Variants in MECOM observed in about 807,000 individuals in gnomAD.
MECOM encodes histone-lysine N-methyltransferase MECOM.
A neutral mutation model predicts 116.3 loss-of-function variants in MECOM; 13 were observed. That is an observed-to-expected ratio of 0.11 (90% CI 0.07 to 0.18). The LOEUF (loss-of-function observed/expected upper bound fraction) is 0.18, where lower values mean the gene tolerates loss of function less well. MECOM is among the 10% of genes least tolerant of loss of function. The probability of loss-of-function intolerance (pLI) is 1.00; values close to 1 mark genes in which losing one functional copy is unlikely to be tolerated. For missense variants in MECOM, 1,299 were observed against 1,509.0 expected, an observed-to-expected ratio of 0.86 and a Z score of 2.31; for synonymous variants, 528 against 535.2, an observed-to-expected ratio of 0.99 and a Z score of 0.19.
At chr3:169,394,200 C>T (rs182880293) in intron 1 of MECOM, among the ~76,000 whole-genome samples, 314 of 152,198 alleles carry the variant, frequency 2.1e-3, no homozygotes, top group African/African-American at 6.9e-3. Flanking sequence ...ACATATGCCA[C>T]AAAACATTAA....
intron 1 of MECOM, among the ~76,000 whole-genome samples, chr3:169,560,737 G>A (rs968408878): frequency 2.0e-5 from 3 of 151,990 alleles, no homozygotes. Flanking sequence ...ATTGATAAAA[G>A]CAGGATATAG....
intron 1 of MECOM, among the ~76,000 whole-genome samples, chr3:169,420,809 T>C (rs578065391): frequency 2.0e-5 from 3 of 152,296 alleles, no homozygotes; most frequent in East Asian, 1.9e-4. Context: ...TAAAGTGTTA[T>C]TGAAGATGCT....
chr3:169,143,649 T>C, intron 3 of MECOM, 49 bp downstream of exon 3: 1 of 1,477,658 alleles, frequency 6.8e-7, no homozygotes, highest in Non-Finnish European at 9.0e-7. Context: ...CAGGCTCCAG[T>C]GATACTTTTG....
chr3:169,316,470 T>C (rs1451117733), intron 2 of MECOM, among the ~76,000 whole-genome samples: 2 of 152,214 alleles, frequency 1.3e-5, no homozygotes, highest in African/African-American at 4.8e-5. Flanking sequence ...TATGGCTATG[T>C]AAAATGAGAT....
At chr3:169,596,518 C>T (rs536404357) in intron 1 of MECOM, among the ~76,000 whole-genome samples, 1 of 152,258 alleles carries the variant, frequency 6.6e-6, no homozygotes, top group South Asian at 2.1e-4. Context: ...CCTCAAAATG[C>T]ATATGAAGGA....
chr3:169,648,991 A>T (rs1417733007), intron 1 of MECOM, among the ~76,000 whole-genome samples: 1 of 152,224 alleles, frequency 6.6e-6, no homozygotes. Context: ...CTAACTGCAC[A>T]AAGGATAAAA....
intron 2 of MECOM, chr3:169,145,687 G>A (rs1739678615): frequency 4.5e-6 from 1 of 223,696 alleles, no homozygotes; most frequent in Non-Finnish European, 8.9e-6. Context: ...TCAAAGTCAA[G>A]AAGCATCCAT....
At chr3:169,654,815 C>CACACACAA (rs770928351) in intron 1 of MECOM, among the ~76,000 whole-genome samples, 23 of 85,532 alleles carry the variant, frequency 2.7e-4, no homozygotes, top group African/African-American at 8.1e-4. Flanking sequence ...CCTATCAAAA[C>CACACACAA]ACACACACAC....
intron 1 of MECOM, among the ~76,000 whole-genome samples, chr3:169,587,017 A>G (rs1159544455): frequency 1.3e-5 from 2 of 152,166 alleles, no homozygotes; most frequent in Admixed American, 6.5e-5. Context: ...AACTCATTTA[A>G]CTTTCATAAT....
chr3:169,427,179 T>A (rs1326763548), intron 1 of MECOM, among the ~76,000 whole-genome samples: 1 of 144,364 alleles, frequency 6.9e-6, no homozygotes, highest in East Asian at 2.1e-4. Context: ...TTTTAGTATT[T>A]CCAATTCATT....
intron 1 of MECOM, among the ~76,000 whole-genome samples, chr3:169,494,517 G>A (rs1753580653): frequency 6.6e-6 from 1 of 152,208 alleles, no homozygotes; most frequent in African/African-American, 2.4e-5. Context: ...TTCTCAAGGT[G>A]TAAGCATTGA....
At chr3:169,662,308 G>C (rs557653521) in intron 1 of MECOM, among the ~76,000 whole-genome samples, 1 of 152,168 alleles carries the variant, frequency 6.6e-6, no homozygotes, top group Non-Finnish European at 1.5e-5. Context: ...CGGAGGCTGC[G>C]CTGCGCCCTC....
chr3:169,408,185 C>A (rs564711792), intron 1 of MECOM, among the ~76,000 whole-genome samples: 2 of 151,988 alleles, frequency 1.3e-5, no homozygotes, highest in East Asian at 3.9e-4. Context: ...GGAAAACTTC[C>A]GAGAACAGTA....
intron 2 of MECOM, among the ~76,000 whole-genome samples, chr3:169,236,423 C>A (rs1754076272): frequency 6.6e-6 from 1 of 152,040 alleles, no homozygotes; most frequent in Admixed American, 6.6e-5. Flanking sequence ...ATTTGCTAAA[C>A]ATGAGTAAAT....
intron 2 of MECOM, among the ~76,000 whole-genome samples, chr3:169,309,003 G>A (rs1560113897): frequency 6.6e-6 from 1 of 152,220 alleles, no homozygotes; most frequent in East Asian, 1.9e-4. Flanking sequence ...CTGATCACAG[G>A]GTACAGGTGA....
intron 2 of MECOM, among the ~76,000 whole-genome samples, chr3:169,221,495 C>T (rs189256522): frequency 1.3e-5 from 2 of 151,342 alleles, no homozygotes; most frequent in African/African-American, 4.9e-5. Context: ...GCCCAGTTAC[C>T]TTTAGCCCCC....
chr3:169,479,652 T>TAAA (rs3042768), intron 1 of MECOM, among the ~76,000 whole-genome samples: 78 of 126,676 alleles, frequency 6.2e-4, no homozygotes, highest in Non-Finnish European at 7.7e-4. Context: ...TTCTCTTACC[T>TAAA]AAAAAAAAAA....
chr3:169,594,170 A>AAAAAAAAAAAAAAAAACC lies in MECOM; in HGVS notation c.37+69165_37+69166insGGTTTTTTTTTTTTTTTT, dbSNP rs1553894632. On this transcript the variant is annotated intron_variant, in intron 1 of 16. Transcript: ENST00000651503. ...CCACCACCACAAAAAAAAAAAAAAA[A>AAAAAAAAAAAAAAAAACC]AAAAAACACCTTTTCACCTAAGTAC... Among the ~76,000 whole-genome samples, 16 of 119,408 alleles carry AAAAAAAAAAAAAAAAACC rather than the reference A, an allele frequency of 1.3e-4. 1 individual carries two copies. Among genetic ancestry groups the AAAAAAAAAAAAAAAAACC allele is most frequent in the African/African-American group, 5.8e-4 (15 of 25,782 alleles). 78.3% of individuals were successfully genotyped at this position (119,408 alleles called of 152,430 possible).
chr3:169,124,679 A>C, intron 5 of MECOM, among the ~76,000 whole-genome samples: 1 of 152,114 alleles, frequency 6.6e-6, no homozygotes, highest in Non-Finnish European at 1.5e-5. Context: ...GTTTCAAATA[A>C]TTCAAAGCAG....
Sources: gnomAD v4.1 joint callset for allele counts (sites outside exome capture counted in the v4.1 genomes callset) on GRCh38, gnomAD v4.1.1 for gene constraint, MANE v1.5 for transcripts, NCBI Gene and HGNC (gene_info 2026-07-23, HGNC 2026-07-21) for gene names.